The following HEXIM1 variants were observed in gnomAD, a reference collection of about 807,000 sequenced individuals.
HEXIM1 encodes protein HEXIM1.
A neutral mutation model predicts 30.3 loss-of-function variants in HEXIM1; 1 was observed. That is an observed-to-expected ratio of 0.03 (90% CI 0.01 to 0.16). The LOEUF is 0.16. Ranked by LOEUF, HEXIM1 falls within the 10% of genes least tolerant of loss-of-function variation. The probability of loss-of-function intolerance (pLI) is 1.00; values close to 1 mark genes in which losing one functional copy is unlikely to be tolerated. For missense variants in HEXIM1, 391 were observed against 476.4 expected, an observed-to-expected ratio of 0.82 and a Z score of 1.67; for synonymous variants, 245 against 208.3, an observed-to-expected ratio of 1.18 and a Z score of -1.52.
In HEXIM1 at chr17:45,148,957, C is replaced by T. The variant is rs1598115166; in HGVS notation, c.-234C>T. The T allele has an allele frequency of 1.9e-6, 1 of 521,442 alleles. No individual in the cohort carries two copies. Among genetic ancestry groups the T allele is most frequent in the Admixed American group, 3.6e-5 (1 of 28,064 alleles). The allele number at this position is 521,442 out of a possible 1,614,324, so 32.3% of individuals were successfully genotyped here. A position where few individuals can be genotyped will look rare whatever the true frequency, so the allele number is the denominator to read the frequency against. ...TCCTGCCGCTGCACCCCCTTGGACC[C>T]GCTAGCTGGCCGCACTGTGGGCGCT... On this transcript the variant is annotated 5_prime_UTR_variant, in exon 1 of 1. Coordinates refer to ENST00000332499, the MANE Select transcript of HEXIM1 (RefSeq NM_006460.3).
In HEXIM1 at chr17:45,149,112, T is replaced by C. The variant is rs1472064598; in HGVS notation, c.-79T>C. 6.8e-6 allele frequency: 9 copies of C among 1,321,518 alleles called. No individual in the cohort carries two copies. The African/African-American group carries it at 9.9e-5, about 15-fold the overall frequency. 81.9% of individuals were successfully genotyped at this position (1,321,518 alleles called of 1,614,324 possible). A position where few individuals can be genotyped will look rare whatever the true frequency, so the allele number is the denominator to read the frequency against. ...TTGGACTGTTTTTTTTTTCTTTTTC[T>C]TTTTTTTAAGAAAAACCCATTTTTT... is the stretch of plus-strand genomic sequence containing the variant. On this transcript the variant is annotated 5_prime_UTR_variant, in exon 1 of 1. Transcript: ENST00000332499. The surrounding 1 kb of genome is among the most constrained non-coding windows in gnomAD (Gnocchi z 5.3).
chr17:45,149,080 GAC>G lies in HEXIM1; in HGVS notation c.-110_-109del. On this transcript the variant is annotated 5_prime_UTR_variant, in exon 1 of 1. Coordinates refer to ENST00000332499, the MANE Select transcript of HEXIM1 (RefSeq NM_006460.3). The surrounding 1 kb of genome is among the most constrained non-coding windows in gnomAD (Gnocchi z 5.3). Reference sequence around the variant, plus strand: ...ACTGCAGGAATTACAAACTGAAGAGGACTCTGTTGGACTGTTTTTTTTTTCTT... The same window carrying G: ...ACTGCAGGAATTACAAACTGAAGAGGTCTGTTGGACTGTTTTTTTTTTCTT... The G allele has an allele frequency of 2.7e-6, 3 of 1,095,464 alleles. No individual in the cohort carries two copies. The highest frequency in any genetic ancestry group is 3.9e-6 in the Non-Finnish European group (3 of 771,008). The allele number at this position is 1,095,464 out of a possible 1,614,324, so 67.9% of individuals were successfully genotyped here.
rs1328176683 is a variant in HEXIM1, at chr17:45,151,847, A to G, written c.*1577A>G. The G allele has an allele frequency of 6.0e-6, 1 of 167,126 alleles. No individual in the cohort carries two copies. Among genetic ancestry groups the G allele is most frequent in the African/African-American group, 2.4e-5 (1 of 41,472 alleles). 10.4% of individuals were successfully genotyped at this position (167,126 alleles called of 1,614,324 possible). On this transcript the variant is annotated 3_prime_UTR_variant, in exon 1 of 1. Transcript: ENST00000332499. ...AGGGAAGGGGGAAGAAAACCCTCCCATTAGGAAGCATGCTTTTGCAGTTAA... is the reference window on the plus strand; with the variant it reads ...AGGGAAGGGGGAAGAAAACCCTCCCGTTAGGAAGCATGCTTTTGCAGTTAA...
In HEXIM1 at chr17:45,150,773, T is replaced by C. The variant is rs964375115; in HGVS notation, c.*503T>C. The C allele has an allele frequency of 1.2e-5, 2 of 169,168 alleles. No individual in the cohort carries two copies. Among genetic ancestry groups the C allele is most frequent in the Admixed American group, 6.4e-5 (1 of 15,642 alleles). The allele number at this position is 169,168 out of a possible 1,614,324, so 10.5% of individuals were successfully genotyped here. On this transcript the variant is annotated 3_prime_UTR_variant, in exon 1 of 1. Coordinates refer to ENST00000332499, the MANE Select transcript of HEXIM1 (RefSeq NM_006460.3). ...TGTCAGTTTGCAAAAATATCAATCT[T>C]TAATGGGAGAATTTTCAATTTGCCA... is the stretch of plus-strand genomic sequence containing the variant.
At position 45,148,870 on chromosome 17, in the gene HEXIM1, A is replaced by G. The variant is rs917353981; in HGVS notation, c.-321A>G. 6 of 433,858 alleles carry G rather than the reference A, an allele frequency of 1.4e-5. No homozygotes were observed. The highest frequency in any genetic ancestry group is 4.1e-5 in the African/African-American group (2 of 48,986). The allele number at this position is 433,858 out of a possible 1,614,324, so 26.9% of individuals were successfully genotyped here. ...CTTACCCTCATCACCTTGCTCACCAACTCCTTTATTGGGGTGCTCCGCTTG... is the reference window on the plus strand; with the variant it reads ...CTTACCCTCATCACCTTGCTCACCAGCTCCTTTATTGGGGTGCTCCGCTTG... On this transcript the variant is annotated 5_prime_UTR_variant, in exon 1 of 1. Coordinates refer to ENST00000332499, the MANE Select transcript of HEXIM1 (RefSeq NM_006460.3).
chr17:45,150,452 T>C lies in HEXIM1; in HGVS notation c.*182T>C, dbSNP rs1176134512. 7 of 628,628 alleles carry C rather than the reference T, an allele frequency of 1.1e-5. No homozygotes were observed. Among genetic ancestry groups the C allele is most frequent in the Non-Finnish European group, 1.9e-5 (7 of 372,230 alleles). The allele number at this position is 628,628 out of a possible 1,614,324, so 38.9% of individuals were successfully genotyped here. ...GCTTGCGTGCTTTCTCCTGTTCTTT[T>C]AATTATGTGAAACTGAAGAGTTGCT... On this transcript the variant is annotated 3_prime_UTR_variant, in exon 1 of 1. Coordinates refer to ENST00000332499, the MANE Select transcript of HEXIM1 (RefSeq NM_006460.3).
In HEXIM1 at chr17:45,150,192, C is replaced by G. The variant is rs772123116; in HGVS notation, c.1002C>G (p.Ala334=). 3 of 1,612,806 alleles carry G rather than the reference C, an allele frequency of 1.9e-6. No homozygotes were observed. The highest frequency in any genetic ancestry group is 2.2e-5 in the East Asian group (1 of 44,886). ...ELELELDRLR[A]ENLQLLTENE... ...AGCTGGAGCTGGACCGGCTGCGCGCCGAGAACCTCCAGCTGCTGACCGAGA... is the reference window on the plus strand; with the variant it reads ...AGCTGGAGCTGGACCGGCTGCGCGCGGAGAACCTCCAGCTGCTGACCGAGA... Residue 334 remains alanine, a synonymous_variant, in exon 1 of 1, where the codon GCC becomes GCG. Transcript: ENST00000332499.
chr17:45,149,366 C>T lies in HEXIM1; in HGVS notation c.176C>T (p.Pro59Leu). 1 of 1,613,418 alleles carries T rather than the reference C, an allele frequency of 6.2e-7. No homozygotes were observed. The highest frequency in any genetic ancestry group is 8.5e-7 in the Non-Finnish European group (1 of 1,179,922). ...SRAFPQLGGR[P>L]GPEGEGSLES... ...GCGTTCCCCCAGTTGGGTGGCCGTCCGGGGCCGGAGGGGGAAGGGAGCCTG... is the reference window on the plus strand; with the variant it reads ...GCGTTCCCCCAGTTGGGTGGCCGTCTGGGGCCGGAGGGGGAAGGGAGCCTG... Residue 59 changes from proline (P) to leucine (L), a missense_variant, in exon 1 of 1, where the codon CCG becomes CTG. By Grantham distance (98) the Pro-to-Leu change is moderately conservative (BLOSUM62 -3). This residue lies in a region of HEXIM1 where 230 missense variants were observed against 199.4 expected (regional missense o/e 1.15). Transcript: ENST00000332499. This position sits in a 1 kb window ranked among gnomAD's most constrained non-coding sequence, Gnocchi z 5.3.
At position 45,150,317 on chromosome 17, in the gene HEXIM1, A is replaced by T; in HGVS notation, c.*47A>T. 6.3e-7 allele frequency: 1 copy of T among 1,581,152 alleles called. No homozygotes were observed. Among genetic ancestry groups the T allele is most frequent in the Non-Finnish European group, 8.6e-7 (1 of 1,161,744 alleles). On this transcript the variant is annotated 3_prime_UTR_variant, in exon 1 of 1. Transcript: ENST00000332499. The stretch of plus-strand genomic sequence containing the variant: ...GGGGCAAAGGGGACTTTTTACAGTG[A>T]TGGAATGTAACATTATATACATGTG...
chr17:45,150,313 A>G lies in HEXIM1; in HGVS notation c.*43A>G. On this transcript the variant is annotated 3_prime_UTR_variant, in exon 1 of 1. Transcript: ENST00000332499. ...GGAGGGGGCAAAGGGGACTTTTTAC[A>G]GTGATGGAATGTAACATTATATACA... is the stretch of plus-strand genomic sequence containing the variant. The G allele has an allele frequency of 6.3e-7, 1 of 1,586,800 alleles. No individual in the cohort carries two copies. Among genetic ancestry groups the G allele is most frequent in the Non-Finnish European group, 8.6e-7 (1 of 1,164,808 alleles).
rs201018268 is a variant in HEXIM1 at position 45,150,258 on chromosome 17, G to C, written c.1068G>C (p.Lys356Asn). The change falls in exon 1 of 1, where the codon AAG (lysine) becomes AAC (asparagine). Residue 356 changes from lysine to asparagine, a missense_variant. This residue lies in a region of HEXIM1 where 73 missense variants were observed against 80.9 expected (regional missense o/e 0.90). Transcript: ENST00000332499. ...HRQQERAPLS[K>N]FGD ...AGCAGGAGCGAGCGCCGCTTTCCAAGTTTGGAGACTAGACTGAAACTTTTT... is the reference window on the plus strand; with the variant it reads ...AGCAGGAGCGAGCGCCGCTTTCCAACTTTGGAGACTAGACTGAAACTTTTT... 5 of 1,608,856 alleles carry C rather than the reference G, an allele frequency of 3.1e-6. No homozygotes were observed. The highest frequency in any genetic ancestry group is 1.7e-6 in the Non-Finnish European group (2 of 1,176,608).
At position 45,149,888 on chromosome 17, in the gene HEXIM1, CCGACGACA is replaced by C. The variant is rs2055534238; in HGVS notation, c.700_707del (p.Asp234GlnfsTer3). 1 of 1,613,628 alleles carries C rather than the reference CCGACGACA, an allele frequency of 6.2e-7. No individual in the cohort carries two copies. The highest frequency in any genetic ancestry group is 8.5e-7 in the Non-Finnish European group (1 of 1,180,012). ...TACTCCAAGCGGGCCGCCGCCAAATCCGACGACACCAGCGATGACGACTTCATGGAAGA... is the reference window on the plus strand; with the variant it reads ...TACTCCAAGCGGGCCGCCGCCAAATCCCAGCGATGACGACTTCATGGAAGA... On this transcript the variant is annotated frameshift_variant, in exon 1 of 1. Coordinates refer to ENST00000332499, the MANE Select transcript of HEXIM1 (RefSeq NM_006460.3). LOFTEE classifies it high-confidence loss of function. This position sits in a 1 kb window ranked among gnomAD's most constrained non-coding sequence, Gnocchi z 5.3.
Position 45,149,395 on chromosome 17 carries a change from T to C in HEXIM1, c.205T>C (p.Ser69Pro), listed in dbSNP as rs1156906487. 6.2e-7 allele frequency: 1 copy of C among 1,613,138 alleles called. No individual in the cohort carries two copies. The highest frequency in any genetic ancestry group is 1.3e-5 in the African/African-American group (1 of 74,878). The change falls in exon 1 of 1, where the codon TCC becomes CCC. Residue 69 changes from serine to proline, a missense_variant. By Grantham distance (74) the Ser-to-Pro change is moderately conservative (BLOSUM62 -1). Around this residue, in one of 5 missense-constraint regions of HEXIM1, gnomAD observed 230 missense variants for 199.4 expected, o/e 1.15. Coordinates refer to ENST00000332499, the MANE Select transcript of HEXIM1 (RefSeq NM_006460.3). The surrounding 1 kb of genome is among the most constrained non-coding windows in gnomAD (Gnocchi z 5.3). ...GCCGGAGGGGGAAGGGAGCCTGGAA[T>C]CCCAACCACCTCCCTTGCAGACCCA... ...PGPEGEGSLE[S>P]QPPPLQTQAC...
At position 45,149,094 on chromosome 17, in the gene HEXIM1, GTTTTTTT is replaced by G; in HGVS notation, c.-93_-87del. 1 of 1,072,498 alleles carries G rather than the reference GTTTTTTT, an allele frequency of 9.3e-7. No individual in the cohort carries two copies. Among genetic ancestry groups the G allele is most frequent in the Middle Eastern group, 2.7e-4 (1 of 3,670 alleles). 66.4% of individuals were successfully genotyped at this position (1,072,498 alleles called of 1,614,324 possible). ...AAACTGAAGAGGACTCTGTTGGACT[GTTTTTTT>G]TTTCTTTTTCTTTTTTTTAAGAAAA... On this transcript the variant is annotated 5_prime_UTR_variant, in exon 1 of 1. Transcript: ENST00000332499. The surrounding 1 kb of genome is among the most constrained non-coding windows in gnomAD (Gnocchi z 5.3).
rs1267342278 is a variant in HEXIM1, at chr17:45,149,932, G to A, written c.742G>A (p.Glu248Lys). Reference sequence around the variant, plus strand: ...CGACTTCATGGAAGAAGGGGGTGAGGAGGATGGGGGCAGCGATGGGATGGG... The same window carrying A: ...CGACTTCATGGAAGAAGGGGGTGAGAAGGATGGGGGCAGCGATGGGATGGG... ...DDDFMEEGGE[E>K]DGGSDGMGGD... Residue 248 changes from glutamate to lysine, a missense_variant, in exon 1 of 1, where the codon GAG becomes AAG. This residue lies in a region of HEXIM1 where 38 missense variants were observed against 40.0 expected (regional missense o/e 0.95). Transcript: ENST00000332499. The surrounding 1 kb of genome is among the most constrained non-coding windows in gnomAD (Gnocchi z 5.3). 6.2e-7 allele frequency: 1 copy of A among 1,613,918 alleles called. No homozygotes were observed. The highest frequency in any genetic ancestry group is 8.5e-7 in the Non-Finnish European group (1 of 1,180,016).
Position 45,149,105 on chromosome 17 carries a change from C to CTTTT in HEXIM1, c.-84_-81dup, listed in dbSNP as rs111687345. 303 of 1,139,326 alleles carry CTTTT rather than the reference C, an allele frequency of 2.7e-4. 1 individual carries two copies. Among genetic ancestry groups the CTTTT allele is most frequent in the African/African-American group, 1.1e-3 (65 of 59,796 alleles). 70.6% of individuals were successfully genotyped at this position (1,139,326 alleles called of 1,614,324 possible). On this transcript the variant is annotated 5_prime_UTR_variant, in exon 1 of 1. Transcript: ENST00000332499. The surrounding 1 kb of genome is among the most constrained non-coding windows in gnomAD (Gnocchi z 5.3). ...GACTCTGTTGGACTGTTTTTTTTTT[C>CTTTT]TTTTTCTTTTTTTTAAGAAAAACCC...
In HEXIM1 at chr17:45,149,035, A is replaced by G. The variant is rs2055525129; in HGVS notation, c.-156A>G. On this transcript the variant is annotated 5_prime_UTR_variant, in exon 1 of 1. Transcript: ENST00000332499. The surrounding 1 kb of genome is among the most constrained non-coding windows in gnomAD (Gnocchi z 5.3). Reference sequence around the variant, plus strand: ...GATTGCAGTTGGAGTTTGCTGATAGAAGGACTAGCTAAAGGCGTCACTGCA... The same window carrying G: ...GATTGCAGTTGGAGTTTGCTGATAGGAGGACTAGCTAAAGGCGTCACTGCA... The G allele has an allele frequency of 6.9e-6, 5 of 723,324 alleles. No individual in the cohort carries two copies. The highest frequency in any genetic ancestry group is 8.7e-6 in the Non-Finnish European group (4 of 457,710). The allele number at this position is 723,324 out of a possible 1,614,324, so 44.8% of individuals were successfully genotyped here. A position where few individuals can be genotyped will look rare whatever the true frequency, so the allele number is the denominator to read the frequency against.
Position 45,151,471 on chromosome 17 carries a change from A to C in HEXIM1, c.*1201A>C, listed in dbSNP as rs557185576. The C allele has an allele frequency of 6.0e-6, 1 of 167,178 alleles. No individual in the cohort carries two copies. The highest frequency in any genetic ancestry group is 1.9e-4 in the East Asian group (1 of 5,196). The allele number at this position is 167,178 out of a possible 1,614,324, so 10.4% of individuals were successfully genotyped here. The stretch of plus-strand genomic sequence containing the variant: ...TGCACAGCCCTATTCTAAATCGCTT[A>C]AACTATGCTGATAGCTGCTTAGGTT... On this transcript the variant is annotated 3_prime_UTR_variant, in exon 1 of 1. Transcript: ENST00000332499.
Position 45,149,635 on chromosome 17 carries a change from G to T in HEXIM1, c.445G>T (p.Gly149Trp). 6.2e-7 allele frequency: 1 copy of T among 1,613,056 alleles called. No individual in the cohort carries two copies. The stretch of plus-strand genomic sequence containing the variant: ...GTGGGGACAGCAGCAGAGACAGCTG[G>T]GGAAGAAAAAACATAGGAGACGCCC... ...EEWGQQQRQL[G>W]KKKHRRRPSK... Residue 149 changes from glycine to tryptophan, a missense_variant, in exon 1 of 1, where the codon GGG becomes TGG. Gly to Trp is a radical substitution (Grantham distance 184, BLOSUM62 -2). This residue lies in a region of HEXIM1 where 230 missense variants were observed against 199.4 expected (regional missense o/e 1.15). Transcript: ENST00000332499. The surrounding 1 kb of genome is among the most constrained non-coding windows in gnomAD (Gnocchi z 5.3).
Sources: gnomAD v4.1 joint callset for allele counts on GRCh38, gnomAD v4.1.1 for gene constraint, gnomAD v4.1.1 regional missense constraint, Gnocchi (gnomAD v3.1) non-coding constraint, MANE v1.5 for transcripts, NCBI Gene and HGNC (gene_info 2026-07-23, HGNC 2026-07-21) for gene names.